Variants in NELL1 observed in about 807,000 individuals in gnomAD.
NELL1 encodes the protein neural EGFL like 1.
NELL1 carries 76 observed loss-of-function variants against 107.4 expected under a neutral mutation model. The observed-to-expected ratio is 0.71, with a 90% CI of 0.59 to 0.86. The LOEUF is 0.86. NELL1 is among the 40% of genes least tolerant of loss of function. NELL1 has a pLI of 0.00. For missense variants in NELL1, 1,024 were observed against 1,005.5 expected (o/e 1.02, Z -0.25); for synonymous variants, 353 against 341.2 (o/e 1.03, Z -0.38).
chr11:21,037,366 C>T (rs1853121129), intron 12 of NELL1, among the ~76,000 whole-genome samples: 1 of 152,076 alleles, frequency 6.6e-6, no homozygotes, highest in Non-Finnish European at 1.5e-5. Context: ...TTGGAAATGG[C>T]TATCTCACTC....
intron 4 of NELL1, among the ~76,000 whole-genome samples, chr11:20,854,861 T>C (rs933949595): frequency 2.0e-5 from 3 of 152,204 alleles, no homozygotes; most frequent in Non-Finnish European, 4.4e-5. Context: ...AAAAGAAGCC[T>C]TGGATGCTGC....
chr11:21,548,710 A>G (rs1467886704), intron 16 of NELL1, among the ~76,000 whole-genome samples: 2 of 151,750 alleles, frequency 1.3e-5, no homozygotes, highest in African/African-American at 4.8e-5. Flanking sequence ...GCATAAGGTT[A>G]CTGTGTTTGT....
At chr11:20,706,473 A>G (rs1854958909) in intron 2 of NELL1, among the ~76,000 whole-genome samples, 1 of 142,644 alleles carries the variant, frequency 7.0e-6, no homozygotes, top group Non-Finnish European at 1.5e-5. Context: ...AACAATGAGA[A>G]CACATGGACA....
At chr11:21,131,842 T>C (rs1358001569) in intron 13 of NELL1, among the ~76,000 whole-genome samples, 1 of 152,184 alleles carries the variant, frequency 6.6e-6, no homozygotes, top group African/African-American at 2.4e-5. Flanking sequence ...AACTTTTGCA[T>C]ACTGACTCAG....
chr11:21,403,476 G>A (rs1249472839), intron 15 of NELL1, among the ~76,000 whole-genome samples: 1 of 151,512 alleles, frequency 6.6e-6, no homozygotes, highest in Non-Finnish European at 1.5e-5. Context: ...CTCAAACAAC[G>A]TTATGACCCT....
intron 2 of NELL1, among the ~76,000 whole-genome samples, chr11:20,695,079 A>C (rs1450965886): frequency 1.3e-4 from 20 of 151,976 alleles, no homozygotes. Flanking sequence ...TGTGTCCTTG[A>C]CTTGGCTCTC....
At chr11:21,515,932 C>A (rs1564934998) in intron 15 of NELL1, among the ~76,000 whole-genome samples, 1 of 152,180 alleles carries the variant, frequency 6.6e-6, no homozygotes, top group South Asian at 2.1e-4. Flanking sequence ...GTCTTCTCAG[C>A]AATGCTGTTG....
intron 10 of NELL1, among the ~76,000 whole-genome samples, chr11:20,945,813 T>C (rs937593564): frequency 2.0e-5 from 3 of 152,134 alleles, no homozygotes; most frequent in Admixed American, 2.0e-4. Flanking sequence ...ATGGTCTGGA[T>C]TGAGGATTAA....
chr11:21,181,270 A>G (rs1856821208), intron 13 of NELL1, among the ~76,000 whole-genome samples: 1 of 151,910 alleles, frequency 6.6e-6, no homozygotes, highest in Non-Finnish European at 1.5e-5. Context: ...AAGTAATTGC[A>G]GTTTTTGCCA....
At chr11:21,309,279 T>TA (rs1849682879) in intron 14 of NELL1, among the ~76,000 whole-genome samples, 1 of 16,566 alleles carries the variant, frequency 6.0e-5, no homozygotes, top group Non-Finnish European at 1.3e-4. Context: ...TATATATATA[T>TA]GTATATATAT....
At chr11:20,981,964 CTCTCTCTCTCTCTCTCTT>C (rs1331876143) in intron 12 of NELL1, among the ~76,000 whole-genome samples, 1 of 148,358 alleles carries the variant, frequency 6.7e-6, no homozygotes, top group Non-Finnish European at 1.5e-5. Flanking sequence ...CTTTCTCTCT[CTCTCTCTCTCTCTCTCTT>C]TCTCTCTCTT....
At chr11:21,320,035 CAA>C (rs2133663846) in intron 14 of NELL1, among the ~76,000 whole-genome samples, 1 of 151,026 alleles carries the variant, frequency 6.6e-6, no homozygotes, top group Non-Finnish European at 1.5e-5. Flanking sequence ...AAAATCCCTG[CAA>C]AAGTGTTTAT....
intron 15 of NELL1, among the ~76,000 whole-genome samples, chr11:21,405,820 C>G (rs560769536): frequency 2.0e-5 from 3 of 151,952 alleles, no homozygotes; most frequent in Admixed American, 6.6e-5. Context: ...CTTCCCCCAA[C>G]CTTTCCTTTC....
At chr11:21,248,589 G>C (rs1362352381) in intron 14 of NELL1, among the ~76,000 whole-genome samples, 1 of 152,048 alleles carries the variant, frequency 6.6e-6, no homozygotes, top group Non-Finnish European at 1.5e-5. Flanking sequence ...AGAGAATTGA[G>C]GAGAAAGTAG....
At chr11:20,833,718 T>C (rs541538301) in intron 3 of NELL1, among the ~76,000 whole-genome samples, 1 of 152,194 alleles carries the variant, frequency 6.6e-6, no homozygotes, top group Admixed American at 6.5e-5. Context: ...GTCAATGGAC[T>C]TCCTGGGGAG....
chr11:20,674,203 G>T (rs35439941), intron 1 of NELL1, among the ~76,000 whole-genome samples: 1 of 152,168 alleles, frequency 6.6e-6, no homozygotes, highest in Admixed American at 6.5e-5. Flanking sequence ...CAAACCCAGC[G>T]TGAGAGGCCC....
rs146775008 is a variant in NELL1 at position 20,914,485 on chromosome 11, C to T, written c.604-3697C>T. ...GGGGTTGTGGAGAAGAAGCTTTTAT[C>T]ATGCAGATGAAGCCTCTAAATAGCA... On this transcript the variant is annotated intron_variant, in intron 5 of 19. Transcript: ENST00000357134. Among the ~76,000 whole-genome samples, 107 of 152,184 alleles carry T rather than the reference C, an allele frequency of 7.0e-4. 1 individual carries two copies. Among genetic ancestry groups the T allele is most frequent in the African/African-American group, 2.4e-3 (98 of 41,548 alleles).
At chr11:20,755,049 A>G (rs537691865) in intron 2 of NELL1, among the ~76,000 whole-genome samples, 14 of 152,310 alleles carry the variant, frequency 9.2e-5, no homozygotes, top group Non-Finnish European at 1.8e-4. Flanking sequence ...CCCAAGCCAC[A>G]TACATGTACA....
At chr11:21,298,735 T>A (rs1473013689) in intron 14 of NELL1, among the ~76,000 whole-genome samples, 1 of 151,968 alleles carries the variant, frequency 6.6e-6, no homozygotes, top group East Asian at 1.9e-4. Context: ...TTCGGTGCCA[T>A]CAGGAAATGG....
Sources: allele counts gnomAD v4.1 joint callset (sites outside exome capture counted in the v4.1 genomes callset), GRCh38; gene constraint gnomAD v4.1.1; transcripts MANE v1.5; gene names NCBI Gene and HGNC (gene_info 2026-07-23, HGNC 2026-07-21).